The following LHX8 variants were observed in gnomAD, a reference collection of about 807,000 sequenced individuals.
LHX8 encodes LIM/homeobox protein Lhx8.
In LHX8, 12 loss-of-function variants were observed where a neutral mutation model predicts 40.3. The observed-to-expected ratio is 0.30, with a 90% CI of 0.19 to 0.48. LHX8 has a LOEUF of 0.48. Among genes scored for constraint, LHX8 ranks in the 20% least tolerant of loss-of-function variants. The pLI is 0.99. For missense variants in LHX8, 344 were observed against 433.7 expected (o/e 0.79, Z 1.84); for synonymous variants, 179 against 162.0 (o/e 1.10, Z -0.80).
At chr1:75,129,993 C>T (rs1388152550), upstream of LHX8, 1 of 152,302 alleles carries the variant, frequency 6.6e-6, no homozygotes, top group African/African-American at 2.4e-5. Context: ...AATCAGGTTT[C>T]CATTGGTCCT....
At chr1:75,137,302 C>A in intron 3 of LHX8, 41 bp downstream of exon 3, 4 of 1,589,356 alleles carry the variant, frequency 2.5e-6, no homozygotes, top group Non-Finnish European at 3.5e-6. Flanking sequence ...GGGGAGCGGG[C>A]TTAGCGTGGG....
At chr1:75,174,812 AT>A in the LHX8 span, among the ~76,000 whole-genome samples, 3 of 151,280 alleles carry the variant, frequency 2.0e-5, no homozygotes, top group African/African-American at 7.3e-5. Flanking sequence ...TTTTATTTTT[AT>A]TTTTTATTTC....
the LHX8 span, among the ~76,000 whole-genome samples, chr1:75,191,606 A>C: frequency 3.0e-4 from 46 of 152,336 alleles, no homozygotes; most frequent in Non-Finnish European, 6.2e-4. Flanking sequence ...AAGCCAAAAA[A>C]GGGAAAACAC....
chr1:75,148,923 T>G (rs549721660), intron 7 of LHX8, among the ~76,000 whole-genome samples: 186 of 152,318 alleles, frequency 1.2e-3, no homozygotes, highest in Middle Eastern at 3.4e-3. Context: ...TGGTGTTTTT[T>G]TGTGTGTGAA....
the LHX8 span, among the ~76,000 whole-genome samples, chr1:75,194,191 T>G: frequency 3.9e-5 from 6 of 152,276 alleles, no homozygotes; most frequent in South Asian, 1.2e-3. Flanking sequence ...GGGGCATACC[T>G]CCTACTTTTT....
chr1:75,156,815 A>G, intron 7 of LHX8, 78 bp from the exon 8 acceptor site: 3 of 1,374,270 alleles, frequency 2.2e-6, no homozygotes, highest in Non-Finnish European at 3.1e-6. Context: ...GGTTGCATTC[A>G]TTTTTTAACT....
chr1:75,130,971 C>T (rs1219450977), upstream of LHX8: 1 of 599,842 alleles, frequency 1.7e-6, no homozygotes, highest in African/African-American at 1.8e-5. Context: ...GAAAGTCTCC[C>T]CATCCTCCAC....
Position 75,143,952 on chromosome 1 carries a change from A to G in LHX8, c.684+4A>G. On this transcript the variant is annotated splice_donor_region_variant and intron_variant, in intron 6 of 8. Coordinates refer to ENST00000356261, the MANE Select transcript of LHX8 (RefSeq NM_001256114.2). The stretch of plus-strand genomic sequence containing the variant: ...CTTTACAGCAGATCAGCTTCAGGTA[A>G]GCATAACAATGAATTTTTTATTTTT... The G allele has an allele frequency of 6.2e-7, 1 of 1,612,008 alleles. No individual in the cohort carries two copies. The highest frequency in any genetic ancestry group is 8.5e-7 in the Non-Finnish European group (1 of 1,178,358).
chr1:75,198,692 C>A, the LHX8 span, among the ~76,000 whole-genome samples: 5 of 152,222 alleles, frequency 3.3e-5, no homozygotes, highest in African/African-American at 4.8e-5. Context: ...TACTATTGAT[C>A]TGCCAGTCCA....
intron 4 of LHX8, among the ~76,000 whole-genome samples, chr1:75,142,306 A>G (rs1303129208): frequency 6.6e-6 from 1 of 152,182 alleles, no homozygotes; most frequent in Non-Finnish European, 1.5e-5. Context: ...CTGTCAATAA[A>G]TAGACACTGA....
the LHX8 span, among the ~76,000 whole-genome samples, chr1:75,181,603 C>T: frequency 6.6e-6 from 1 of 152,214 alleles, no homozygotes. Context: ...TACAGTCTGT[C>T]ATGGCTTCCC....
the LHX8 span, among the ~76,000 whole-genome samples, chr1:75,189,371 C>T: frequency 7.9e-5 from 12 of 152,044 alleles, no homozygotes; most frequent in Admixed American, 6.6e-4. Flanking sequence ...GGTTACTAGA[C>T]CAGCCAAACA....
chr1:75,148,272 T>G (rs1648516551), intron 6 of LHX8, among the ~76,000 whole-genome samples: 1 of 152,160 alleles, frequency 6.6e-6, no homozygotes, highest in South Asian at 2.1e-4. Context: ...GAAAAAACAA[T>G]AAATGAAACT....
At chr1:75,154,856 G>A (rs1252707235) in intron 7 of LHX8, among the ~76,000 whole-genome samples, 1 of 152,098 alleles carries the variant, frequency 6.6e-6, no homozygotes, top group Admixed American at 6.6e-5. Context: ...CCTGCTCAAG[G>A]CTATATACCC....
Position 75,160,829 on chromosome 1 carries a change from A to G in LHX8, c.975A>G (p.Pro325=), listed in dbSNP as rs753112195. Residue 325 remains proline, a synonymous_variant, in exon 9 of 9, where the codon CCA becomes CCG. Coordinates refer to ENST00000356261, the MANE Select transcript of LHX8 (RefSeq NM_001256114.2). ...CTTTCTATTTTGTAGCTCATTCACC[A>G]ACAACTCTTGGACTCCAGCCCTTGT... ...ALHSYMDAHS[P]TTLGLQPLLP... The G allele has an allele frequency of 6.2e-7, 1 of 1,612,184 alleles. No homozygotes were observed. Among genetic ancestry groups the G allele is most frequent in the South Asian group, 1.1e-5 (1 of 91,052 alleles).
chr1:75,136,319 G>T (rs1023863547), intron 1 of LHX8, among the ~76,000 whole-genome samples: 3 of 152,082 alleles, frequency 2.0e-5, no homozygotes, highest in Non-Finnish European at 2.9e-5. Flanking sequence ...ATCCCCGGCG[G>T]GGGGGCGGGG....
At chr1:75,179,487 A>G in the LHX8 span, among the ~76,000 whole-genome samples, 7,356 of 139,538 alleles carry the variant, frequency 0.053, 202 homozygotes, top group Middle Eastern at 0.1. Flanking sequence ...AGAGACTAGG[A>G]TTGCAACCCC....
intron 3 of LHX8, among the ~76,000 whole-genome samples, chr1:75,138,675 C>A (rs1282319874): frequency 2.0e-5 from 3 of 152,078 alleles, no homozygotes; most frequent in Non-Finnish European, 4.4e-5. Context: ...TCTGAGTAGA[C>A]CTATGAAGGC....
At chr1:75,176,790 G>A in the LHX8 span, among the ~76,000 whole-genome samples, 10 of 152,296 alleles carry the variant, frequency 6.6e-5, no homozygotes, top group South Asian at 2.1e-3. Flanking sequence ...TTCTTCTAGG[G>A]TTTTTATGGT....
Sources: allele counts gnomAD v4.1 joint callset (sites outside exome capture counted in the v4.1 genomes callset), GRCh38; gene constraint gnomAD v4.1.1; transcripts MANE v1.5; gene names NCBI Gene and HGNC (gene_info 2026-07-23, HGNC 2026-07-21).